The following CMIP variants were observed in gnomAD, a reference collection of about 807,000 sequenced individuals.
CMIP encodes the protein c-Maf inducing protein, also known as C-Maf-inducing protein.
A neutral mutation model predicts 97.3 loss-of-function variants in CMIP; 13 were observed. That is an observed-to-expected ratio of 0.13 (90% CI 0.09 to 0.21). The LOEUF (loss-of-function observed/expected upper bound fraction) is 0.21. Among genes scored for constraint, CMIP ranks in the 10% least tolerant of loss-of-function variants. The pLI is 1.00. For synonymous variants in CMIP, 538 were observed against 436.3 expected (o/e 1.23, Z -2.91); for missense variants, 847 against 1,024.9 (o/e 0.83, Z 2.37).
At chr16:81,615,209 C>CTG (rs1427322824) in intron 2 of CMIP, among the ~76,000 whole-genome samples, 1 of 103,288 alleles carries the variant, frequency 9.7e-6, no homozygotes, top group African/African-American at 3.8e-5. Context: ...GCATGTGTAA[C>CTG]TATGGTGTGT....
In CMIP at chr16:81,624,796, A is replaced by G. The variant is rs138983629; in HGVS notation, c.477+3870A>G. Among the ~76,000 whole-genome samples, 1,018 of 152,310 alleles carry G rather than the reference A, an allele frequency of 6.7e-3. 12 individuals are homozygous for G. Among genetic ancestry groups the G allele is most frequent in the African/African-American group, 0.022 (914 of 41,568 alleles). On this transcript the variant is annotated intron_variant, in intron 3 of 20. Transcript: ENST00000537098. Reference sequence around the variant, plus strand: ...ACAGGGTCGATTGACAACCGCTGCTATGGAATTGACCTCAAATTGTTTTGT... The same window carrying G: ...ACAGGGTCGATTGACAACCGCTGCTGTGGAATTGACCTCAAATTGTTTTGT...
At chr16:81,660,668 T>C (rs2092535267) in intron 5 of CMIP, among the ~76,000 whole-genome samples, 1 of 152,218 alleles carries the variant, frequency 6.6e-6, no homozygotes, top group Non-Finnish European at 1.5e-5. Flanking sequence ...CACCTTGTTT[T>C]CAGGTGGTGA....
At chr16:81,606,876 G>A (rs78685320) in intron 1 of CMIP, 2,388 of 155,124 alleles carry the variant, frequency 0.015, 64 homozygotes, top group African/African-American at 0.054. Flanking sequence ...GAGAGTAGAA[G>A]CGCAGATGCC....
chr16:81,576,083 C>T (rs918942204), intron 1 of CMIP, among the ~76,000 whole-genome samples: 4 of 152,114 alleles, frequency 2.6e-5, no homozygotes, highest in African/African-American at 9.7e-5. Flanking sequence ...TTGTAAGATA[C>T]TCCATTTTCT....
At chr16:81,521,734 C>A (rs925955838) in intron 1 of CMIP, among the ~76,000 whole-genome samples, 1 of 152,186 alleles carries the variant, frequency 6.6e-6, no homozygotes, top group African/African-American at 2.4e-5. Context: ...GCTTTTGAAG[C>A]TCCTATGATA....
At position 81,644,598 on chromosome 16, in the gene CMIP, G is replaced by T. The variant is rs529762135; in HGVS notation, c.478-7605G>T. Among the ~76,000 whole-genome samples, 3 of 152,336 alleles carry T rather than the reference G, an allele frequency of 2.0e-5. No homozygotes were observed. The East Asian group carries it at 5.8e-4, about 29-fold the overall frequency. On this transcript the variant is annotated intron_variant, in intron 3 of 20. Transcript: ENST00000537098. Reference sequence around the variant, plus strand: ...AAGCTATTCTGGAGGACTCAAGAAGGCCAAAAATGCTGCCTCCCAAGTGTC... The same window carrying T: ...AAGCTATTCTGGAGGACTCAAGAAGTCCAAAAATGCTGCCTCCCAAGTGTC...
intron 1 of CMIP, among the ~76,000 whole-genome samples, chr16:81,525,360 C>T (rs1234526180): frequency 6.6e-6 from 1 of 152,050 alleles, no homozygotes; most frequent in East Asian, 1.9e-4. Flanking sequence ...CCAGGCTGGT[C>T]TTAAACTCCT....
intron 1 of CMIP, among the ~76,000 whole-genome samples, chr16:81,601,385 G>A (rs1214633320): frequency 6.6e-6 from 1 of 152,000 alleles, no homozygotes; most frequent in Non-Finnish European, 1.5e-5. Context: ...GGTGTCTTCT[G>A]CCAGCATCGG....
At chr16:81,565,712 C>T (rs1467670373) in intron 1 of CMIP, among the ~76,000 whole-genome samples, 1 of 152,206 alleles carries the variant, frequency 6.6e-6, no homozygotes, top group East Asian at 1.9e-4. Context: ...GACACAAAGA[C>T]AGCGGCTGTC....
In CMIP at chr16:81,525,474, T is replaced by C. The variant is rs374594554; in HGVS notation, c.300+79933T>C. ...TTTATTTCCTTAATTTTTTTTTTAT[T>C]ATGGTCAAATACATATAACGTAAGG... On this transcript the variant is annotated intron_variant, in intron 1 of 20. Transcript: ENST00000537098. 3.8e-3 allele frequency among the ~76,000 whole-genome samples: 572 copies of C among 152,298 alleles called. 5 individuals are homozygous for C. Among genetic ancestry groups the C allele is most frequent in the African/African-American group, 0.013 (543 of 41,552 alleles).
At chr16:81,497,285 G>A (rs1191785575) in intron 1 of CMIP, among the ~76,000 whole-genome samples, 1 of 152,192 alleles carries the variant, frequency 6.6e-6, no homozygotes, top group Non-Finnish European at 1.5e-5. Context: ...TGTCCTCCGA[G>A]ATGTGTTTTT....
At chr16:81,550,925 C>T (rs1448362861) in intron 1 of CMIP, among the ~76,000 whole-genome samples, 1 of 146,918 alleles carries the variant, frequency 6.8e-6, no homozygotes, top group Non-Finnish European at 1.5e-5. Flanking sequence ...CCAGTTCCGT[C>T]ACATATATCC....
intron 3 of CMIP, chr16:81,645,456 CCT>C: frequency 6.6e-7 from 1 of 1,524,480 alleles, no homozygotes; most frequent in Non-Finnish European, 8.8e-7. Context: ...CTGAGTCACT[CCT>C]CTCCTGGCAA....
chr16:81,512,518 A>G (rs1443676084), intron 1 of CMIP, among the ~76,000 whole-genome samples: 1 of 152,232 alleles, frequency 6.6e-6, no homozygotes, highest in African/African-American at 2.4e-5. Context: ...GCTTCACTTC[A>G]TCAGCTACAT....
At chr16:81,654,641 T>C (rs1246344837) in intron 4 of CMIP, among the ~76,000 whole-genome samples, 1 of 152,170 alleles carries the variant, frequency 6.6e-6, no homozygotes, top group Non-Finnish European at 1.5e-5. Flanking sequence ...AGTGGTCAGT[T>C]TGATGGCCCT....
Position 81,652,144 on chromosome 16 carries a change from C to A in CMIP, c.478-59C>A. The A allele has an allele frequency of 7.2e-7, 1 of 1,383,012 alleles. No individual in the cohort carries two copies. Among genetic ancestry groups the A allele is most frequent in the Non-Finnish European group, 1.0e-6 (1 of 979,480 alleles). 85.7% of individuals were successfully genotyped at this position (1,383,012 alleles called of 1,614,324 possible). ...CCCATCTGATTCTTTGATTGTCTTC[C>A]ATCTTCTGCCTTCCTTACGTGAGTA... On this transcript the variant is annotated intron_variant, in intron 3 of 20. Coordinates refer to ENST00000537098, the MANE Select transcript of CMIP (RefSeq NM_198390.3). The surrounding 1 kb of genome is among the most constrained non-coding windows in gnomAD (Gnocchi z 5.2).
chr16:81,696,725 G>A (rs768798261), intron 14 of CMIP, 58 bp downstream of exon 14: 2 of 1,518,194 alleles, frequency 1.3e-6, no homozygotes, highest in South Asian at 2.4e-5. Context: ...TGCCATGCCT[G>A]ACTAGTAAAA....
rs1266160634 is a variant in CMIP at position 81,445,226 on chromosome 16, C to T, written c.-16C>T. The T allele has an allele frequency of 2.0e-6, 3 of 1,503,676 alleles. No homozygotes were observed. Among genetic ancestry groups the T allele is most frequent in the South Asian group, 2.5e-5 (2 of 78,966 alleles). The allele number at this position is 1,503,676 out of a possible 1,614,324, so 93.1% of individuals were successfully genotyped here. On this transcript the variant is annotated 5_prime_UTR_variant, in exon 1 of 21. Coordinates refer to ENST00000537098, the MANE Select transcript of CMIP (RefSeq NM_198390.3). The stretch of plus-strand genomic sequence containing the variant: ...GCCCCCTCTCCCCGCCCCCAGCCCC[C>T]TCCCCCGGCGCGGCCATGGATGTGA...
At chr16:81,559,339 G>C (rs1349242971) in intron 1 of CMIP, among the ~76,000 whole-genome samples, 1 of 152,218 alleles carries the variant, frequency 6.6e-6, no homozygotes, top group Non-Finnish European at 1.5e-5. Context: ...TGCTGGGCCA[G>C]CCTCATGATT....
Sources: allele counts gnomAD v4.1 joint callset (sites outside exome capture counted in the v4.1 genomes callset), GRCh38; gene constraint gnomAD v4.1.1; non-coding constraint Gnocchi (gnomAD v3.1); transcripts MANE v1.5; gene names NCBI Gene and HGNC (gene_info 2026-07-23, HGNC 2026-07-21).